TSPAN12: variants seen among roughly 807,000 people sequenced by gnomAD.
TSPAN12 encodes tetraspanin 12.
A neutral mutation model predicts 39.2 loss-of-function variants in TSPAN12; 19 were observed. That is an observed-to-expected ratio of 0.49 (90% confidence interval 0.34 to 0.71). The LOEUF (loss-of-function observed/expected upper bound fraction) is 0.71. TSPAN12 is among the 30% of genes least tolerant of loss of function. TSPAN12 has a pLI of 0.01. For missense variants in TSPAN12, 314 were observed against 359.9 expected (o/e 0.87, Z 1.03); for synonymous variants, 119 against 124.8 (o/e 0.95, Z 0.31).
At chr7:120,824,876 T>C (rs1201541222) in intron 4 of TSPAN12, among the ~76,000 whole-genome samples, 2 of 152,130 alleles carry the variant, frequency 1.3e-5, no homozygotes, top group African/African-American at 4.8e-5. Flanking sequence ...GTAAAAGCAG[T>C]TGAAAAACAT....
intron 7 of TSPAN12, among the ~76,000 whole-genome samples, chr7:120,805,899 T>A (rs998768314): frequency 6.6e-6 from 1 of 152,112 alleles, no homozygotes; most frequent in Non-Finnish European, 1.5e-5. Context: ...TAACAAAGTC[T>A]GAAAATAATC....
intron 2 of TSPAN12, among the ~76,000 whole-genome samples, chr7:120,853,946 T>G (rs771702334): frequency 5.3e-5 from 8 of 151,308 alleles, no homozygotes; most frequent in Non-Finnish European, 7.4e-5. Flanking sequence ...AACTATTGTA[T>G]AGAAACAGAT....
chr7:120,856,252 C>G (rs1391378145), intron 2 of TSPAN12, among the ~76,000 whole-genome samples: 1 of 152,130 alleles, frequency 6.6e-6, no homozygotes, highest in Non-Finnish European at 1.5e-5. Flanking sequence ...AATTCCACCA[C>G]CACCTCCCCC....
intron 7 of TSPAN12, among the ~76,000 whole-genome samples, chr7:120,804,599 G>T (rs542612844): frequency 9.9e-5 from 15 of 152,204 alleles, no homozygotes; most frequent in South Asian, 2.1e-4. Context: ...AAAGTATTCT[G>T]ATCATCTTTT....
chr7:120,792,372 A>G (rs1201668283), intron 7 of TSPAN12, among the ~76,000 whole-genome samples: 1 of 152,224 alleles, frequency 6.6e-6, no homozygotes, highest in Non-Finnish European at 1.5e-5. Flanking sequence ...GAGGTTACCA[A>G]CGACAGTTAG....
At chr7:120,847,827 T>C (rs1300751542) in intron 2 of TSPAN12, among the ~76,000 whole-genome samples, 1 of 152,200 alleles carries the variant, frequency 6.6e-6, no homozygotes, top group East Asian at 1.9e-4. Context: ...TTCTTCTGCT[T>C]ATAGCTACCC....
chr7:120,820,988 G>A (rs1794177790), intron 4 of TSPAN12, among the ~76,000 whole-genome samples: 1 of 152,036 alleles, frequency 6.6e-6, no homozygotes, highest in Admixed American at 6.6e-5. Flanking sequence ...ACAAGTGAAA[G>A]AAAGGGAATA....
intron 4 of TSPAN12, among the ~76,000 whole-genome samples, chr7:120,828,060 C>A (rs1465907501): frequency 2.0e-5 from 3 of 152,138 alleles, no homozygotes. Flanking sequence ...TGGAAAAAAT[C>A]TAAAACATTA....
intron 7 of TSPAN12, among the ~76,000 whole-genome samples, chr7:120,803,145 A>T (rs1309256794): frequency 6.6e-6 from 1 of 152,198 alleles, no homozygotes; most frequent in East Asian, 1.9e-4. Flanking sequence ...TGAGACACTC[A>T]TTATTTTACA....
At chr7:120,798,284 G>T (rs1430939296) in intron 7 of TSPAN12, among the ~76,000 whole-genome samples, 1 of 152,150 alleles carries the variant, frequency 6.6e-6, no homozygotes, top group Non-Finnish European at 1.5e-5. Flanking sequence ...ATCCTGCAGG[G>T]CTTTGAATGA....
intron 2 of TSPAN12, among the ~76,000 whole-genome samples, chr7:120,845,660 C>T (rs1242336591): frequency 6.6e-6 from 1 of 152,178 alleles, no homozygotes; most frequent in African/African-American, 2.4e-5. Flanking sequence ...GCAAGAGTGA[C>T]CTTTATTCCA....
intron 7 of TSPAN12, among the ~76,000 whole-genome samples, chr7:120,805,694 C>T (rs1562940273): frequency 6.6e-6 from 1 of 152,026 alleles, no homozygotes; most frequent in Non-Finnish European, 1.5e-5. Context: ...ATAGAAATGT[C>T]TTACATCTGC....
chr7:120,840,260 G>T (rs1229122114), intron 2 of TSPAN12, 151 bp from the exon 3 acceptor site: 2 of 722,774 alleles, frequency 2.8e-6, no homozygotes, highest in Non-Finnish European at 5.0e-6. Flanking sequence ...ATAAATAACT[G>T]CCATTCCATT....
At chr7:120,789,144 T>C (rs1793470652) in intron 7 of TSPAN12, among the ~76,000 whole-genome samples, 1 of 152,150 alleles carries the variant, frequency 6.6e-6, no homozygotes, top group African/African-American at 2.4e-5. Flanking sequence ...AAACCTGAAA[T>C]TGAGGCCCAC....
At chr7:120,850,266 A>G (rs965671607) in intron 2 of TSPAN12, among the ~76,000 whole-genome samples, 1 of 152,214 alleles carries the variant, frequency 6.6e-6, no homozygotes, top group African/African-American at 2.4e-5. Flanking sequence ...TAGGGTGACC[A>G]TGCATCCTGA....
chr7:120,807,878 TA>T (rs1453127694), intron 6 of TSPAN12, among the ~76,000 whole-genome samples: 7 of 152,122 alleles, frequency 4.6e-5, no homozygotes, highest in Non-Finnish European at 7.4e-5. Flanking sequence ...ACTTTATATA[TA>T]TTTTTCCTTT....
In TSPAN12 at chr7:120,856,698, C is replaced by G. The variant is rs753229955; in HGVS notation, c.66G>C (p.Trp22Cys). ...CLLYALNLLF[W>C]LMSISVLAVS... ...TGTTGGTGCAGTGAAACTTACTTAC[C>G]CAAAAGAGCAGATTGAGGGCGTAGA... is the stretch of plus-strand genomic sequence containing the variant. Residue 22 changes from tryptophan to cysteine, a missense_variant and splice_region_variant, in exon 2 of 8, where the codon TGG becomes TGC. By Grantham distance (215) the Trp-to-Cys change is radical. Transcript: ENST00000222747. 6.2e-7 allele frequency: 1 copy of G among 1,614,226 alleles called. No homozygotes were observed. The highest frequency in any genetic ancestry group is 8.5e-7 in the Non-Finnish European group (1 of 1,180,030).
chr7:120,845,373 C>T (rs55733320), intron 2 of TSPAN12, among the ~76,000 whole-genome samples: 29,988 of 152,170 alleles, frequency 0.2, 3,210 homozygotes, highest in African/African-American at 0.22. Context: ...AATTCCTTTC[C>T]GGAAAATTAG....
At chr7:120,807,092 T>A (rs182345791) in intron 6 of TSPAN12, among the ~76,000 whole-genome samples, 1 of 152,090 alleles carries the variant, frequency 6.6e-6, no homozygotes, top group Non-Finnish European at 1.5e-5. Context: ...GCCCAACATA[T>A]TCAAATATTA....
Sources: gnomAD v4.1 joint callset for allele counts (sites outside exome capture counted in the v4.1 genomes callset) on GRCh38, gnomAD v4.1.1 for gene constraint, MANE v1.5 for transcripts, NCBI Gene and HGNC (gene_info 2026-07-23, HGNC 2026-07-21) for gene names.